The following GNA14 variants were observed in gnomAD, a reference collection of about 807,000 sequenced individuals.
GNA14 encodes G protein subunit alpha 14, also known as guanine nucleotide-binding protein subunit alpha-14.
In GNA14, 50 loss-of-function variants were observed where a neutral mutation model predicts 42.0. The ratio of observed to expected loss-of-function variants is 1.19; its 90% confidence interval spans 0.95 to 1.51. GNA14 has a LOEUF of 1.51. GNA14 is among the 40% of genes most tolerant of loss of function. The probability of loss-of-function intolerance (pLI) is 0.00; values close to 1 mark genes in which losing one functional copy is unlikely to be tolerated. For synonymous variants in GNA14, 173 were observed against 163.1 expected, an observed-to-expected ratio of 1.06 and a Z score of -0.46; for missense variants, 473 against 446.2, an observed-to-expected ratio of 1.06 and a Z score of -0.54.
At chr9:77,642,485 G>C (rs1824282374) in intron 1 of GNA14, among the ~76,000 whole-genome samples, 1 of 152,158 alleles carries the variant, frequency 6.6e-6, no homozygotes, top group African/African-American at 2.4e-5. Context: ...TAAAACACAG[G>C]CCAGGTACGG....
rs778013639 is a variant in GNA14, at chr9:77,644,437, C to CCAAAAAA, written c.124+3232_124+3233insTTTTTTG. ...TACTGAACTCCAACCTAAAGAGTGT[C>CCAAAAAA]AAAAAAAAAAAAAAAAAAAAAAAAA... On this transcript the variant is annotated intron_variant, in intron 1 of 6. Transcript: ENST00000341700. 1.8e-4 allele frequency among the ~76,000 whole-genome samples: 6 copies of CCAAAAAA among 34,012 alleles called. 1 individual carries two copies. The highest frequency in any genetic ancestry group is 3.5e-4 in the African/African-American group (3 of 8,578). 22.3% of individuals were successfully genotyped at this position (34,012 alleles called of 152,430 possible). A position where few individuals can be genotyped will look rare whatever the true frequency, so the allele number is the denominator to read the frequency against.
chr9:77,572,695 G>A (rs577632269), intron 1 of GNA14, among the ~76,000 whole-genome samples: 72 of 152,290 alleles, frequency 4.7e-4, no homozygotes, highest in African/African-American at 1.7e-3. Context: ...AATATATTAA[G>A]CAATAATGAG....
intron 1 of GNA14, among the ~76,000 whole-genome samples, chr9:77,584,912 G>A (rs752995666): frequency 6.6e-6 from 1 of 152,010 alleles, no homozygotes; most frequent in African/African-American, 2.4e-5. Context: ...CGGTGGGAGT[G>A]TAGCCATGAG....
At chr9:77,596,190 T>G (rs1823464664) in intron 1 of GNA14, among the ~76,000 whole-genome samples, 1 of 151,656 alleles carries the variant, frequency 6.6e-6, no homozygotes. Flanking sequence ...TTTATAGAGG[T>G]CAATAAACAA....
At chr9:77,497,029 T>C (rs1275385521) in intron 2 of GNA14, among the ~76,000 whole-genome samples, 2 of 152,190 alleles carry the variant, frequency 1.3e-5, no homozygotes, top group African/African-American at 4.8e-5. Flanking sequence ...ATGTAATCAC[T>C]GTCTTGAGAA....
At position 77,429,015 on chromosome 9, in the gene GNA14, T is replaced by C. The variant is rs1399947961; in HGVS notation, c.615A>G (p.Gln205=). 1 of 1,614,070 alleles carries C rather than the reference T, an allele frequency of 6.2e-7. No homozygotes were observed. The highest frequency in any genetic ancestry group is 2.2e-5 in the East Asian group (1 of 44,888). ...IIFRMVDVGG[Q]RSERRKWIHC... is the part of the protein sequence containing the mutation. ...GAATCCACTTCCGTCTTTCCGATCGTTGGCCACCAACATCCACCATCCTGT... is the reference window on the plus strand; with the variant it reads ...GAATCCACTTCCGTCTTTCCGATCGCTGGCCACCAACATCCACCATCCTGT... The change falls in exon 5 of 7, where the codon CAA becomes CAG. Residue 205 remains glutamine, a synonymous_variant. Transcript: ENST00000341700.
chr9:77,490,739 G>A (rs779497972), intron 2 of GNA14, among the ~76,000 whole-genome samples: 5 of 152,216 alleles, frequency 3.3e-5, no homozygotes, highest in Non-Finnish European at 5.9e-5. Context: ...GCCTCACACA[G>A]CCCCGGTTCC....
intron 2 of GNA14, among the ~76,000 whole-genome samples, chr9:77,460,384 T>C (rs1836083457): frequency 6.6e-6 from 1 of 152,196 alleles, no homozygotes. Context: ...ATGGAAAAGA[T>C]TCTCCCTTGG....
At chr9:77,567,813 GCCAAGATTGCACCACTGTACT>G (rs370372150) in intron 1 of GNA14, among the ~76,000 whole-genome samples, 8,711 of 152,274 alleles carry the variant, frequency 0.057, 575 homozygotes, top group African/African-American at 0.17. Context: ...GTTGCAGTGA[GCCAAGATTGCACCACTGTACT>G]CCAGCCTGGG....
At position 77,641,078 on chromosome 9, in the gene GNA14, AGGGGAGGGGAGGGGAGGGG is replaced by A. The variant is rs1161484624; in HGVS notation, c.124+6573_124+6591del. On this transcript the variant is annotated intron_variant, in intron 1 of 6. Transcript: ENST00000341700. ...GGAAGGAAGGAGGGGAGGGGAGGGG[AGGGGAGGGGAGGGGAGGGG>A]GGGGAAGGAAGGAAGGAAGGAAGGA... is the stretch of plus-strand genomic sequence containing the variant. 5.8e-4 allele frequency among the ~76,000 whole-genome samples: 15 copies of A among 25,742 alleles called. 3 individuals are homozygous for A. The highest frequency in any genetic ancestry group is 4.7e-3 in the African/African-American group (14 of 3,004). 16.9% of individuals were successfully genotyped at this position (25,742 alleles called of 152,430 possible). A position where few individuals can be genotyped will look rare whatever the true frequency, so the allele number is the denominator to read the frequency against.
intron 2 of GNA14, among the ~76,000 whole-genome samples, chr9:77,469,952 C>T (rs1178643439): frequency 6.6e-6 from 1 of 152,202 alleles, no homozygotes; most frequent in African/African-American, 2.4e-5. Context: ...AAAAGCAAAA[C>T]TGTACCTTGG....
chr9:77,597,678 TA>T (rs989727198), intron 1 of GNA14, among the ~76,000 whole-genome samples: 1 of 151,250 alleles, frequency 6.6e-6, no homozygotes, highest in African/African-American at 2.4e-5. Context: ...ACTTTTGCAC[TA>T]AATGAATAGA....
At chr9:77,553,656 C>T (rs1837811892) in intron 1 of GNA14, among the ~76,000 whole-genome samples, 2 of 151,958 alleles carry the variant, frequency 1.3e-5, no homozygotes, top group South Asian at 4.1e-4. Flanking sequence ...TGTTAATGGG[C>T]ATATGAGAAA....
intron 2 of GNA14, among the ~76,000 whole-genome samples, chr9:77,510,302 T>A (rs962824653): frequency 1.3e-5 from 2 of 152,212 alleles, no homozygotes; most frequent in African/African-American, 4.8e-5. Flanking sequence ...TCAGCGCTTA[T>A]TATTGAATAA....
At chr9:77,624,555 A>C (rs1823984485) in intron 1 of GNA14, among the ~76,000 whole-genome samples, 2 of 152,176 alleles carry the variant, frequency 1.3e-5, no homozygotes, top group South Asian at 4.1e-4. Flanking sequence ...CCCTCTGGGA[A>C]GAAGCTTCCA....
intron 2 of GNA14, among the ~76,000 whole-genome samples, chr9:77,486,379 A>T (rs1478922714): frequency 6.6e-6 from 1 of 152,216 alleles, no homozygotes; most frequent in Non-Finnish European, 1.5e-5. Context: ...GCAATGTTAC[A>T]GCTGTTTGAT....
intron 1 of GNA14, among the ~76,000 whole-genome samples, chr9:77,558,968 T>C (rs920816): frequency 0.76 from 114,217 of 151,004 alleles, 44,276 homozygotes; most frequent in African/African-American, 0.93. Context: ...AAAAACCTCC[T>C]CCTGAGAACC....
intron 1 of GNA14, among the ~76,000 whole-genome samples, chr9:77,639,628 G>T (rs1046934640): frequency 6.6e-6 from 1 of 152,218 alleles, no homozygotes; most frequent in African/African-American, 2.4e-5. Context: ...TCTAGCAGCA[G>T]CAGCAGCAGC....
intron 1 of GNA14, among the ~76,000 whole-genome samples, chr9:77,618,632 T>TA: frequency 2.0e-4 from 9 of 45,652 alleles, no homozygotes; most frequent in Non-Finnish European, 2.7e-4. Flanking sequence ...TTTTTTTTTT[T>TA]TTTTTTTTTT....
Sources: gnomAD v4.1 joint callset for allele counts (sites outside exome capture counted in the v4.1 genomes callset) on GRCh38, gnomAD v4.1.1 for gene constraint, MANE v1.5 for transcripts, NCBI Gene and HGNC (gene_info 2026-07-23, HGNC 2026-07-21) for gene names.